The following ULK4 variants were observed in gnomAD, a reference collection of about 807,000 sequenced individuals.
ULK4 encodes inactive serine/threonine-protein kinase ULK4.
ULK4 carries 133 observed loss-of-function variants against 160.6 expected under a neutral mutation model. The observed-to-expected ratio is 0.83, with a 90% CI of 0.72 to 0.96. ULK4 has a LOEUF of 0.96. Ranked by LOEUF, ULK4 falls within the 40% of genes least tolerant of loss-of-function variation. The pLI is 0.00. For synonymous variants in ULK4, 534 were observed against 539.8 expected (o/e 0.99, Z 0.15); for missense variants, 1,580 against 1,499.5 (o/e 1.05, Z -0.89).
At chr3:41,654,589 G>T (rs997680376) in intron 30 of ULK4, among the ~76,000 whole-genome samples, 4 of 152,176 alleles carry the variant, frequency 2.6e-5, no homozygotes, top group African/African-American at 9.7e-5. Context: ...TCAAGGCAGA[G>T]AGAAAGGGAG....
chr3:41,742,050 T>C (rs1262864495), intron 22 of ULK4, among the ~76,000 whole-genome samples: 1 of 151,888 alleles, frequency 6.6e-6, no homozygotes, highest in Non-Finnish European at 1.5e-5. Flanking sequence ...TTTCTAGCAA[T>C]ACCTGCCCTG....
intron 35 of ULK4, among the ~76,000 whole-genome samples, chr3:41,379,214 T>C (rs977847085): frequency 4.7e-5 from 7 of 149,210 alleles, no homozygotes; most frequent in African/African-American, 1.7e-4. Flanking sequence ...AAAAAAAAAA[T>C]AGTGAAAAAA....
At chr3:41,589,242 G>A (rs9311284) in intron 31 of ULK4, among the ~76,000 whole-genome samples, 87,138 of 151,714 alleles carry the variant, frequency 0.57, 26,417 homozygotes, top group African/African-American at 0.79. Flanking sequence ...CACAGTGAGC[G>A]GGAACCTATA....
At chr3:41,695,286 C>G (rs978002285) in intron 27 of ULK4, among the ~76,000 whole-genome samples, 2 of 152,192 alleles carry the variant, frequency 1.3e-5, no homozygotes, top group Admixed American at 6.5e-5. Flanking sequence ...AATGCATATA[C>G]ATGCTTATAT....
chr3:41,555,713 T>C (rs1449177598), intron 32 of ULK4, among the ~76,000 whole-genome samples: 1 of 152,212 alleles, frequency 6.6e-6, no homozygotes, highest in African/African-American at 2.4e-5. Flanking sequence ...TAAAGACACA[T>C]GCACACTATG....
chr3:41,717,249 C>T (rs2037300193), intron 23 of ULK4, among the ~76,000 whole-genome samples: 1 of 151,890 alleles, frequency 6.6e-6, no homozygotes, highest in South Asian at 2.1e-4. Flanking sequence ...TTCTCATATA[C>T]CCAATACATT....
intron 35 of ULK4, among the ~76,000 whole-genome samples, chr3:41,391,135 T>C (rs1039869707): frequency 6.6e-6 from 1 of 152,114 alleles, no homozygotes; most frequent in African/African-American, 2.4e-5. Flanking sequence ...GTTGGACAGA[T>C]ACAACAAAAT....
At chr3:41,658,728 TACACACACACACACAC>T in intron 30 of ULK4, among the ~76,000 whole-genome samples, 1 of 84,490 alleles carries the variant, frequency 1.2e-5, no homozygotes, top group East Asian at 2.5e-4. Flanking sequence ...TGAAAAACAG[TACACACACACACACAC>T]ACACACACAC....
chr3:41,331,933 A>T (rs1234970289), intron 35 of ULK4, among the ~76,000 whole-genome samples: 1 of 152,216 alleles, frequency 6.6e-6, no homozygotes, highest in African/African-American at 2.4e-5. Flanking sequence ...AATTATAACT[A>T]ATAATTTATC....
intron 18 of ULK4, among the ~76,000 whole-genome samples, chr3:41,826,132 C>T (rs1053354508): frequency 1.3e-5 from 2 of 152,114 alleles, no homozygotes; most frequent in Admixed American, 1.3e-4. Flanking sequence ...CACCACCAGG[C>T]CTGCCCTACA....
intron 32 of ULK4, among the ~76,000 whole-genome samples, chr3:41,547,142 G>T (rs898447688): frequency 6.6e-6 from 1 of 152,108 alleles, no homozygotes; most frequent in Non-Finnish European, 1.5e-5. Flanking sequence ...CATGAAAATT[G>T]AACACAGAGT....
Position 41,267,405 on chromosome 3 carries a change from G to A in ULK4, c.3679-17831C>T, listed in dbSNP as rs1441458390. Among the ~76,000 whole-genome samples, 4 of 151,988 alleles carry A rather than the reference G, an allele frequency of 2.6e-5. No homozygotes were observed. In the South Asian group the frequency reaches 6.2e-4, roughly 24 times the overall value. ...ATATGTACCACATTTTCTTTATCCG[G>A]TCTATCATTGGTGGGCATTTGGGTT... On this transcript the variant is annotated intron_variant, in intron 35 of 36. Transcript: ENST00000301831.
At chr3:41,654,564 A>G (rs926980281) in intron 30 of ULK4, among the ~76,000 whole-genome samples, 6 of 152,246 alleles carry the variant, frequency 3.9e-5, no homozygotes, top group Non-Finnish European at 8.8e-5. Flanking sequence ...AGTATATAGC[A>G]TTATAATCCT....
intron 11 of ULK4, 37 bp from the exon 12 acceptor site, chr3:41,907,978 A>T (rs1698637962): frequency 6.8e-7 from 1 of 1,472,768 alleles, no homozygotes; most frequent in Non-Finnish European, 9.2e-7. Flanking sequence ...ATTCAATTCC[A>T]GACAGTTTAT....
Position 41,358,526 on chromosome 3 carries a change from G to A in ULK4, c.3678+39553C>T, listed in dbSNP as rs1401131269. Among the ~76,000 whole-genome samples, 4 of 152,140 alleles carry A rather than the reference G, an allele frequency of 2.6e-5. No individual in the cohort carries two copies. In the South Asian group the frequency reaches 8.3e-4, roughly 32 times the overall value. On this transcript the variant is annotated intron_variant, in intron 35 of 36. Transcript: ENST00000301831. The stretch of plus-strand genomic sequence containing the variant: ...GCCTCTCTGACAGGGTGACATGTGA[G>A]TAAAGACCTGAAGGAAGGAAAGGAG...
At chr3:41,427,033 A>G (rs1297956492) in intron 34 of ULK4, among the ~76,000 whole-genome samples, 3 of 152,326 alleles carry the variant, frequency 2.0e-5, no homozygotes, top group Non-Finnish European at 2.9e-5. Context: ...AATAAAGAAG[A>G]AAAGAGAGTT....
At chr3:41,930,750 C>A (rs1266771905) in intron 5 of ULK4, among the ~76,000 whole-genome samples, 3 of 152,172 alleles carry the variant, frequency 2.0e-5, no homozygotes, top group Non-Finnish European at 2.9e-5. Flanking sequence ...AGCTCACCAG[C>A]ACTGATCATT....
intron 32 of ULK4, among the ~76,000 whole-genome samples, chr3:41,543,234 T>C (rs1397954961): frequency 6.6e-6 from 1 of 152,034 alleles, no homozygotes; most frequent in Non-Finnish European, 1.5e-5. Context: ...AGTACGGGAA[T>C]GTGAGGGAGC....
intron 21 of ULK4, among the ~76,000 whole-genome samples, chr3:41,771,320 T>G (rs1185135071): frequency 6.6e-6 from 1 of 152,206 alleles, no homozygotes. Context: ...TGGAACTTTC[T>G]GTAAACTTTC....
Sources: allele counts gnomAD v4.1 joint callset (sites outside exome capture counted in the v4.1 genomes callset), GRCh38; gene constraint gnomAD v4.1.1; transcripts MANE v1.5; gene names NCBI Gene and HGNC (gene_info 2026-07-23, HGNC 2026-07-21).